The following PCDHA11 variants were observed in gnomAD, a reference collection of about 807,000 sequenced individuals.
PCDHA11 encodes protocadherin alpha-11.
PCDHA11 carries 61 observed loss-of-function variants against 70.3 expected under a neutral mutation model. The observed-to-expected ratio is 0.87, with a 90% confidence interval of 0.71 to 1.07. The LOEUF is 1.07. PCDHA11 is among the 50% of genes least tolerant of loss of function. The pLI is 0.00. For synonymous variants in PCDHA11, 633 were observed against 555.1 expected (o/e 1.14, Z -1.97); for missense variants, 1,324 against 1,237.5 (o/e 1.07, Z -1.05).
intron 1 of PCDHA11, among the ~76,000 whole-genome samples, chr5:140,964,396 G>A (rs2095829712): frequency 6.6e-6 from 1 of 152,188 alleles, no homozygotes; most frequent in South Asian, 2.1e-4. Flanking sequence ...TTTCTCCCAA[G>A]ACATGACATT....
intron 1 of PCDHA11, among the ~76,000 whole-genome samples, chr5:140,906,435 C>T (rs2072652869): frequency 6.6e-6 from 1 of 152,120 alleles, no homozygotes; most frequent in Non-Finnish European, 1.5e-5. Flanking sequence ...ACATGATAAA[C>T]AAGAAAGGAA....
chr5:140,987,709 T>TATG (rs1359366930), intron 3 of PCDHA11, among the ~76,000 whole-genome samples: 1 of 152,190 alleles, frequency 6.6e-6, no homozygotes, highest in Non-Finnish European at 1.5e-5. Flanking sequence ...TTTTTCCAGG[T>TATG]ATGAGTCTAT....
chr5:140,871,080 G>A lies in PCDHA11; in HGVS notation c.1977G>A (p.Thr659=). 1 of 1,613,212 alleles carries A rather than the reference G, an allele frequency of 6.2e-7. No individual in the cohort carries two copies. The highest frequency in any genetic ancestry group is 8.5e-7 in the Non-Finnish European group (1 of 1,179,844). Residue 659 remains threonine (T), a synonymous_variant, in exon 1 of 4, where the codon ACG becomes ACA. Transcript: ENST00000398640. ...AGGATCACGGTGAGCCGGCGCTGAC[G>A]GCCACGGCCACCGTGCTGGTGTCGT... is the stretch of plus-strand genomic sequence containing the variant. ...LVKDHGEPAL[T]ATATVLVSLV...
At chr5:140,895,454 G>T (rs1554186522) in intron 1 of PCDHA11, among the ~76,000 whole-genome samples, 1 of 151,918 alleles carries the variant, frequency 6.6e-6, no homozygotes, top group Non-Finnish European at 1.5e-5. Context: ...TGTGCTTATT[G>T]GTCATTTCTT....
At chr5:140,918,573 C>CT (rs1392285106) in intron 1 of PCDHA11, among the ~76,000 whole-genome samples, 1 of 152,154 alleles carries the variant, frequency 6.6e-6, no homozygotes, top group Non-Finnish European at 1.5e-5. Context: ...TATTATGCTG[C>CT]TATTGGCTAT....
chr5:140,950,523 T>C (rs1289314937), intron 1 of PCDHA11, among the ~76,000 whole-genome samples: 2 of 152,094 alleles, frequency 1.3e-5, no homozygotes, highest in African/African-American at 4.8e-5. Flanking sequence ...TGCGATATGA[T>C]TGTTTTTGTT....
intron 1 of PCDHA11, among the ~76,000 whole-genome samples, chr5:140,958,932 C>T (rs2095452700): frequency 8.5e-6 from 1 of 118,160 alleles, no homozygotes; most frequent in South Asian, 2.5e-4. Flanking sequence ...GTGGCTCATA[C>T]TTGTAATAAT....
chr5:140,876,498 C>T, intron 1 of PCDHA11: 4 of 1,613,918 alleles, frequency 2.5e-6, no homozygotes, highest in Non-Finnish European at 2.5e-6. Flanking sequence ...AAGTTCTGGA[C>T]GTGAATGACA....
At chr5:140,917,326 G>GA (rs1425389614) in intron 1 of PCDHA11, among the ~76,000 whole-genome samples, 3 of 149,490 alleles carry the variant, frequency 2.0e-5, no homozygotes, top group Non-Finnish European at 4.5e-5. Flanking sequence ...TCATGTGGCG[G>GA]GGGAGGGGGG....
rs782623559 is a variant in PCDHA11 at position 141,009,752 on chromosome 5, A to G, written c.2665A>G (p.Ile889Val). The G allele has an allele frequency of 3.1e-6, 5 of 1,614,086 alleles. No homozygotes were observed. Among genetic ancestry groups the G allele is most frequent in the East Asian group, 4.5e-5 (2 of 44,882 alleles). The change falls in exon 4 of 4, where the codon ATC becomes GTC. Residue 889 changes from isoleucine (I) to valine (V), a missense_variant. Physicochemically the swap from Ile to Val is conservative, Grantham distance 29. Transcript: ENST00000398640. ...CGGTGAGTTGCCCGACAAATTCATT[A>G]TCCCAGGATCTCCTGCAATCATCTC... ...GPGELPDKFIIPGSPAIISIR... is the reference protein window; with the variant it reads ...GPGELPDKFIVPGSPAIISIR...
chr5:140,892,332 T>C (rs552266223), intron 1 of PCDHA11, among the ~76,000 whole-genome samples: 41 of 152,392 alleles, frequency 2.7e-4, no homozygotes, highest in African/African-American at 9.9e-4. Flanking sequence ...TTCTCCAGAA[T>C]GGATTTTAAT....
chr5:140,968,955 A>G, intron 1 of PCDHA11: 2 of 1,614,220 alleles, frequency 1.2e-6, no homozygotes, highest in Non-Finnish European at 1.7e-6. Flanking sequence ...AGCATCATCA[A>G]GTGCTACCGC....
chr5:140,875,685 C>A (rs563250653), intron 1 of PCDHA11: 1 of 1,613,934 alleles, frequency 6.2e-7, no homozygotes, highest in East Asian at 2.2e-5. Context: ...CCAAAAGACA[C>A]GGGGACCTTC....
At chr5:140,918,928 C>A (rs2078929450) in intron 1 of PCDHA11, among the ~76,000 whole-genome samples, 1 of 152,172 alleles carries the variant, frequency 6.6e-6, no homozygotes, top group South Asian at 2.1e-4. Context: ...CAGCATATGG[C>A]ATTTTGTTAT....
intron 1 of PCDHA11, among the ~76,000 whole-genome samples, chr5:140,912,634 G>A (rs1435924500): frequency 6.6e-6 from 1 of 152,016 alleles, no homozygotes; most frequent in African/African-American, 2.4e-5. Context: ...GAGACTTTCA[G>A]TACTATGTTG....
At chr5:140,998,850 A>T (rs904977478) in intron 3 of PCDHA11, among the ~76,000 whole-genome samples, 1 of 152,234 alleles carries the variant, frequency 6.6e-6, no homozygotes, top group African/African-American at 2.4e-5. Context: ...GGTGTGAGCC[A>T]CATGCCTGGC....
Position 140,956,868 on chromosome 5 carries a change from G to A in PCDHA11, c.2392-22081G>A, listed in dbSNP as rs1161897507. Among the ~76,000 whole-genome samples, 4 of 152,082 alleles carry A rather than the reference G, an allele frequency of 2.6e-5. No individual in the cohort carries two copies. In the South Asian group the frequency reaches 8.3e-4, roughly 32 times the overall value. On this transcript the variant is annotated intron_variant, in intron 1 of 3. Transcript: ENST00000398640. ...GGGTTAAATGGTTGAATGAATGTGT[G>A]AAAAGTTAGATATCAATGAATGAAT...
At position 140,882,956 on chromosome 5, in the gene PCDHA11, A is replaced by G; in HGVS notation, c.2391+11462A>G. The stretch of plus-strand genomic sequence containing the variant: ...GCTGACTGGCACAGTTCAGCTGCTC[A>G]TCACGATTCTGGACGTGAATGACAA... On this transcript the variant is annotated intron_variant, in intron 1 of 3. Coordinates refer to ENST00000398640, the MANE Select transcript of PCDHA11 (RefSeq NM_018902.5). The G allele has an allele frequency of 6.2e-7, 1 of 1,614,228 alleles. No individual in the cohort carries two copies. The highest frequency in any genetic ancestry group is 8.5e-7 in the Non-Finnish European group (1 of 1,180,044).
chr5:140,933,388 G>A lies in PCDHA11; in HGVS notation c.2392-45561G>A, dbSNP rs142801424. On this transcript the variant is annotated intron_variant, in intron 1 of 3. Transcript: ENST00000398640. Reference sequence around the variant, plus strand: ...CCCAAATTCCTTGGCTGTTCCTAGAGCCATCTGGTTACCATCTACAGATAT... The same window carrying A: ...CCCAAATTCCTTGGCTGTTCCTAGAACCATCTGGTTACCATCTACAGATAT... Among the ~76,000 whole-genome samples the A allele has an allele frequency of 5.4e-3, 828 of 152,024 alleles. 4 individuals carry two copies. The highest frequency in any genetic ancestry group is 0.019 in the African/African-American group (797 of 41,508).
Sources: gnomAD v4.1 joint callset for allele counts (sites outside exome capture counted in the v4.1 genomes callset) on GRCh38, gnomAD v4.1.1 for gene constraint, MANE v1.5 for transcripts, NCBI Gene and HGNC (gene_info 2026-07-23, HGNC 2026-07-21) for gene names.